PCDHGA12: variants seen among roughly 807,000 people sequenced by gnomAD.
PCDHGA12 encodes protocadherin gamma subfamily A, 12.
PCDHGA12 carries 43 observed loss-of-function variants against 61.1 expected under a neutral mutation model. The observed-to-expected ratio is 0.70, with a 90% CI of 0.55 to 0.91. The LOEUF (loss-of-function observed/expected upper bound fraction) is 0.91, where lower values mean the gene tolerates loss of function less well. Among genes scored for constraint, PCDHGA12 ranks in the 40% least tolerant of loss-of-function variants. The probability of loss-of-function intolerance (pLI) is 0.00; values close to 1 mark genes in which losing one functional copy is unlikely to be tolerated. For missense variants in PCDHGA12, 1,236 were observed against 1,227.7 expected, an observed-to-expected ratio of 1.01 and a Z score of -0.10; for synonymous variants, 520 against 542.9, an observed-to-expected ratio of 0.96 and a Z score of 0.59.
chr5:141,472,852 G>A (rs1354948628), intron 1 of PCDHGA12, among the ~76,000 whole-genome samples: 1 of 151,160 alleles, frequency 6.6e-6, no homozygotes, highest in African/African-American at 2.4e-5. Flanking sequence ...TGGGCATGGT[G>A]GCACATGCCT....
Position 141,490,142 on chromosome 5 carries a change from C to A in PCDHGA12, c.2425-4665C>A. On this transcript the variant is annotated intron_variant, in intron 1 of 3. Coordinates refer to ENST00000252085, the MANE Select transcript of PCDHGA12 (RefSeq NM_003735.3). This position sits in a 1 kb window ranked among gnomAD's most constrained non-coding sequence, Gnocchi z 5.4. The stretch of plus-strand genomic sequence containing the variant: ...TTTGGCCTAGACCCTAGCAGTGGGG[C>A]AATCCATGTGTTGGGTCCCATAGAC... The A allele has an allele frequency of 1.9e-6, 3 of 1,614,220 alleles. No individual in the cohort carries two copies. The highest frequency in any genetic ancestry group is 2.7e-5 in the African/African-American group (2 of 75,060).
chr5:141,504,956 G>A (rs1327603937), intron 2 of PCDHGA12, among the ~76,000 whole-genome samples: 1 of 152,096 alleles, frequency 6.6e-6, no homozygotes, highest in Non-Finnish European at 1.5e-5. Context: ...TATGTTCAAT[G>A]CATTGGACCA....
intron 1 of PCDHGA12, among the ~76,000 whole-genome samples, chr5:141,434,616 T>C (rs911085192): frequency 1.3e-5 from 2 of 152,204 alleles, no homozygotes; most frequent in East Asian, 1.9e-4. Context: ...TCCGCCCATC[T>C]CTTCGTTTCC....
intron 1 of PCDHGA12, among the ~76,000 whole-genome samples, chr5:141,488,394 A>C (rs2099674951): frequency 1.3e-5 from 2 of 152,232 alleles, no homozygotes. Flanking sequence ...TGGTGAAACC[A>C]TGAAACCTAG....
intron 1 of PCDHGA12, among the ~76,000 whole-genome samples, chr5:141,470,451 T>C (rs2099230860): frequency 6.6e-6 from 1 of 152,210 alleles, no homozygotes; most frequent in Non-Finnish European, 1.5e-5. Context: ...AATAGCATCT[T>C]GAATAGGATT....
intron 1 of PCDHGA12, among the ~76,000 whole-genome samples, chr5:141,480,976 T>G (rs1485868136): frequency 6.6e-6 from 1 of 152,108 alleles, no homozygotes; most frequent in Non-Finnish European, 1.5e-5. Context: ...GGAGAATCAG[T>G]GAACCCAGGA....
chr5:141,462,262 A>G (rs2099035971), intron 1 of PCDHGA12, among the ~76,000 whole-genome samples: 1 of 152,192 alleles, frequency 6.6e-6, no homozygotes, highest in African/African-American at 2.4e-5. Flanking sequence ...GACCAGCCTA[A>G]AGTGTATTGT....
At chr5:141,505,300 G>A in intron 2 of PCDHGA12, 93 bp from the exon 3 acceptor site, 1 of 1,589,042 alleles carries the variant, frequency 6.3e-7, no homozygotes, top group South Asian at 1.1e-5. Flanking sequence ...GGTAGGGTTA[G>A]GGTACTAGGT....
In PCDHGA12 at chr5:141,493,664, G is replaced by A. The variant is rs2099749444; in HGVS notation, c.2425-1143G>A. Reference sequence around the variant, plus strand: ...TGGCCATCCCTGTGCCCTTCTCCATGGCAGCCCCAGAATGGTGCTGGTGAC... The same window carrying A: ...TGGCCATCCCTGTGCCCTTCTCCATAGCAGCCCCAGAATGGTGCTGGTGAC... On this transcript the variant is annotated intron_variant, in intron 1 of 3. Coordinates refer to ENST00000252085, the MANE Select transcript of PCDHGA12 (RefSeq NM_003735.3). This position sits in a 1 kb window ranked among gnomAD's most constrained non-coding sequence, Gnocchi z 4.3. Among the ~76,000 whole-genome samples, 1 of 152,136 alleles carries A rather than the reference G, an allele frequency of 6.6e-6. No homozygotes were observed. Among genetic ancestry groups the A allele is most frequent in the Non-Finnish European group, 1.5e-5 (1 of 68,026 alleles).
Position 141,489,089 on chromosome 5 carries a change from A to G in PCDHGA12, c.2425-5718A>G. 5.6e-5 allele frequency: 16 copies of G among 284,404 alleles called. No individual in the cohort carries two copies. The highest frequency in any genetic ancestry group is 9.0e-5 in the Non-Finnish European group (14 of 156,416). The allele number at this position is 284,404 out of a possible 1,614,324, so 17.6% of individuals were successfully genotyped here. On this transcript the variant is annotated intron_variant, in intron 1 of 3. Coordinates refer to ENST00000252085, the MANE Select transcript of PCDHGA12 (RefSeq NM_003735.3). The surrounding 1 kb of genome is among the most constrained non-coding windows in gnomAD (Gnocchi z 4.5). ...CCCTGCCCACCCCCGCCACTCGGTG[A>G]CTAAGAACTGCTGCAAGCAGGCAAA...
Position 141,486,683 on chromosome 5 carries a change from G to T in PCDHGA12, c.2425-8124G>T. The T allele has an allele frequency of 6.2e-7, 1 of 1,614,092 alleles. No homozygotes were observed. Among genetic ancestry groups the T allele is most frequent in the Non-Finnish European group, 8.5e-7 (1 of 1,180,026 alleles). ...GGAGCCCAGGAATCGAGATGTATCA[G>T]CTTCCTCTTTCATCTCTCTGAACCC... On this transcript the variant is annotated intron_variant, in intron 1 of 3. Transcript: ENST00000252085. This position sits in a 1 kb window ranked among gnomAD's most constrained non-coding sequence, Gnocchi z 5.0.
In PCDHGA12 at chr5:141,500,452, G is replaced by A. The variant is rs554196222; in HGVS notation, c.2484-4941G>A. 2.6e-3 allele frequency among the ~76,000 whole-genome samples: 398 copies of A among 151,620 alleles called. 2 individuals carry two copies. The highest frequency in any genetic ancestry group is 0.021 in the South Asian group (99 of 4,798). On this transcript the variant is annotated intron_variant, in intron 2 of 3. Transcript: ENST00000252085. ...TCTCGATCTCCTGACCTCGTGATCC[G>A]CCCGCCTCGGCCTCCCAAAGTGCTG... is the stretch of plus-strand genomic sequence containing the variant.
Position 141,511,628 on chromosome 5 carries a change from G to C in PCDHGA12, c.*455G>C, listed in dbSNP as rs4912608. 0.2 allele frequency: 46,780 copies of C among 231,598 alleles called. 5,185 individuals are homozygous for C. The highest frequency in any genetic ancestry group is 0.32 in the Admixed American group (6,204 of 19,590). The allele number at this position is 231,598 out of a possible 1,614,324, so 14.3% of individuals were successfully genotyped here. A position where few individuals can be genotyped will look rare whatever the true frequency, so the allele number is the denominator to read the frequency against. On this transcript the variant is annotated 3_prime_UTR_variant, in exon 4 of 4. Transcript: ENST00000252085. ...CAAGCCTCCTAGTTCTGAAAAGTTG[G>C]AAGGGCATCATGACCTCTTGGCCTC...
intron 2 of PCDHGA12, among the ~76,000 whole-genome samples, chr5:141,503,075 G>C (rs1373753092): frequency 6.6e-6 from 1 of 151,438 alleles, no homozygotes; most frequent in Non-Finnish European, 1.5e-5. Context: ...GAATGGTCTC[G>C]ATCTCCTGAC....
chr5:141,431,702 T>C lies in PCDHGA12; in HGVS notation c.943T>C (p.Tyr315His), dbSNP rs1349630251. The C allele has an allele frequency of 5.6e-6, 9 of 1,614,110 alleles. No individual in the cohort carries two copies. In the East Asian group the frequency reaches 8.9e-5, roughly 16 times the overall value. Reference sequence around the variant, plus strand: ...GTTGGACCACGAGGAGTCAGGATTCTACCAGATGGAAGTGCAAGCAATGGA... The same window carrying C: ...GTTGGACCACGAGGAGTCAGGATTCCACCAGATGGAAGTGCAAGCAATGGA... ...GELDHEESGFYQMEVQAMDNA... is the reference protein window; with the variant it reads ...GELDHEESGFHQMEVQAMDNA... Residue 315 changes from tyrosine to histidine, a missense_variant, in exon 1 of 4, where the codon TAC becomes CAC. By Grantham distance (83) the Tyr-to-His change is moderately conservative (BLOSUM62 2). Transcript: ENST00000252085. This position sits in a 1 kb window ranked among gnomAD's most constrained non-coding sequence, Gnocchi z 4.8.
rs1395556571 is a variant in PCDHGA12 at position 141,432,581 on chromosome 5, C to CT, written c.1823dup (p.Leu609AlafsTer75). ...CCAGAACGCCTGGCTGTCCTACCGT[C>CT]TGCTCAAGGCCAGCGAGCCGGGACT... On this transcript the variant is annotated frameshift_variant, in exon 1 of 4. Coordinates refer to ENST00000252085, the MANE Select transcript of PCDHGA12 (RefSeq NM_003735.3). LOFTEE classifies it high-confidence loss of function. This position sits in a 1 kb window ranked among gnomAD's most constrained non-coding sequence, Gnocchi z 6.0. 6.2e-7 allele frequency: 1 copy of CT among 1,613,930 alleles called. No homozygotes were observed.
At chr5:141,501,628 C>T (rs1217355708) in intron 2 of PCDHGA12, among the ~76,000 whole-genome samples, 1 of 152,112 alleles carries the variant, frequency 6.6e-6, no homozygotes, top group Non-Finnish European at 1.5e-5. Flanking sequence ...TATAGTCTCT[C>T]AACCTCTCTG....
intron 1 of PCDHGA12, chr5:141,468,629 G>A (rs1170355107): frequency 1.3e-5 from 2 of 152,140 alleles, no homozygotes; most frequent in African/African-American, 4.8e-5. Flanking sequence ...CACTTTGGGA[G>A]GCCGAGGTGG....
At position 141,486,691 on chromosome 5, in the gene PCDHGA12, T is replaced by C. The variant is rs778748447; in HGVS notation, c.2425-8116T>C. 8 of 1,614,024 alleles carry C rather than the reference T, an allele frequency of 5.0e-6. No individual in the cohort carries two copies. The highest frequency in any genetic ancestry group is 1.3e-5 in the African/African-American group (1 of 74,922). The stretch of plus-strand genomic sequence containing the variant: ...GGAATCGAGATGTATCAGCTTCCTC[T>C]TTCATCTCTCTGAACCCCCAGACAG... On this transcript the variant is annotated intron_variant, in intron 1 of 3. Coordinates refer to ENST00000252085, the MANE Select transcript of PCDHGA12 (RefSeq NM_003735.3). The surrounding 1 kb of genome is among the most constrained non-coding windows in gnomAD (Gnocchi z 5.0).
Sources: gnomAD v4.1 joint callset for allele counts (sites outside exome capture counted in the v4.1 genomes callset) on GRCh38, gnomAD v4.1.1 for gene constraint, Gnocchi (gnomAD v3.1) non-coding constraint, MANE v1.5 for transcripts, NCBI Gene and HGNC (gene_info 2026-07-23, HGNC 2026-07-21) for gene names.